The following MCF2L2 variants were observed in gnomAD, a reference collection of about 807,000 sequenced individuals.
The protein encoded by MCF2L2 is probable guanine nucleotide exchange factor MCF2L2.
Under a neutral mutation model 150.2 loss-of-function variants are expected in MCF2L2, and 102 were observed. That is an observed-to-expected ratio of 0.68 (90% CI 0.58 to 0.80). The LOEUF (loss-of-function observed/expected upper bound fraction) is 0.80, where lower values mean the gene tolerates loss of function less well. Ranked by LOEUF, MCF2L2 falls within the 30% of genes least tolerant of loss-of-function variation. The pLI, the probability that MCF2L2 is intolerant of heterozygous loss-of-function variation, is 0.00. For synonymous variants in MCF2L2, 465 were observed against 491.3 expected, an observed-to-expected ratio of 0.95 and a Z score of 0.71; for missense variants, 1,256 against 1,372.8, an observed-to-expected ratio of 0.91 and a Z score of 1.34.
At chr3:183,189,365 C>T (rs1721800958) in intron 27 of MCF2L2, among the ~76,000 whole-genome samples, 1 of 152,184 alleles carries the variant, frequency 6.6e-6, no homozygotes, top group South Asian at 2.1e-4. Flanking sequence ...CCAGTCAGGT[C>T]ATGTTGTCAT....
chr3:183,230,720 T>A (rs141568178), intron 16 of MCF2L2, among the ~76,000 whole-genome samples: 99 of 152,330 alleles, frequency 6.5e-4, no homozygotes, highest in African/African-American at 2.3e-3. Flanking sequence ...CTATTTGGGC[T>A]TTGCTGGAAT....
intron 14 of MCF2L2, among the ~76,000 whole-genome samples, chr3:183,280,917 G>A (rs1423916053): frequency 1.3e-5 from 2 of 150,498 alleles, no homozygotes; most frequent in Non-Finnish European, 3.0e-5. Context: ...TAAGGTGAAA[G>A]TATTATTCAC....
At position 183,294,548 on chromosome 3, in the gene MCF2L2, T is replaced by G. The variant is rs1020526173; in HGVS notation, c.1675+752A>C. Among the ~76,000 whole-genome samples, 7 of 142,626 alleles carry G rather than the reference T, an allele frequency of 4.9e-5. No individual in the cohort carries two copies. The East Asian group carries it at 1.7e-3, about 34-fold the overall frequency. The allele number at this position is 142,626 out of a possible 152,430, so 93.6% of individuals were successfully genotyped here. On this transcript the variant is annotated intron_variant, in intron 13 of 29. Transcript: ENST00000328913. ...ATTTATATATATATATGTATATATA[T>G]GTATGTGTGTGTGTGTGTGTGTATA...
At chr3:183,361,487 G>T (rs1712201420) in intron 3 of MCF2L2, among the ~76,000 whole-genome samples, 1 of 152,264 alleles carries the variant, frequency 6.6e-6, no homozygotes, top group East Asian at 1.9e-4. Flanking sequence ...AGATCTGATG[G>T]TTTAAAAGTG....
chr3:183,352,675 G>A (rs1308741945), intron 3 of MCF2L2, among the ~76,000 whole-genome samples: 2 of 152,120 alleles, frequency 1.3e-5, no homozygotes, highest in Admixed American at 1.3e-4. Context: ...AGTAGCTCTT[G>A]AGTAAAAAAA....
intron 15 of MCF2L2, among the ~76,000 whole-genome samples, chr3:183,259,471 C>G (rs2108412068): frequency 6.6e-6 from 1 of 152,246 alleles, no homozygotes; most frequent in Admixed American, 6.5e-5. Flanking sequence ...ATCTCTTCAT[C>G]AGGTTTACTT....
In MCF2L2 at chr3:183,180,438, T is replaced by G. The variant is rs1402016470; in HGVS notation, c.3017-279A>C. On this transcript the variant is annotated intron_variant, in intron 27 of 29. Transcript: ENST00000328913. The stretch of plus-strand genomic sequence containing the variant: ...CTCCAAGAAAACAGTCATTGTTTTT[T>G]GTGTTTGCCAGTCTTCTAACCACGC... 3 of 399,722 alleles carry G rather than the reference T, an allele frequency of 7.5e-6. No individual in the cohort carries two copies. In the East Asian group the frequency reaches 1.2e-4, roughly 16 times the overall value. 24.8% of individuals were successfully genotyped at this position (399,722 alleles called of 1,614,324 possible). A position where few individuals can be genotyped will look rare whatever the true frequency, so the allele number is the denominator to read the frequency against.
At chr3:183,336,303 T>C (rs1730478844) in intron 5 of MCF2L2, among the ~76,000 whole-genome samples, 1 of 152,124 alleles carries the variant, frequency 6.6e-6, no homozygotes, top group Admixed American at 6.6e-5. Context: ...AATGGGTGGG[T>C]GAATCTGGAC....
rs1461900480 is a variant in MCF2L2, at chr3:183,179,599, C to T, written c.3199G>A (p.Glu1067Lys). The T allele has an allele frequency of 1.2e-6, 2 of 1,614,190 alleles. No homozygotes were observed. The highest frequency in any genetic ancestry group is 1.7e-6 in the Non-Finnish European group (2 of 1,180,006). Reference sequence around the variant, plus strand: ...CACGTTTCCTCCTCATCGCGTTCTTCTTTTTCTCCCTGGCTGCTTTCTCCC... The same window carrying T: ...CACGTTTCCTCCTCATCGCGTTCTTTTTTTTCTCCCTGGCTGCTTTCTCCC... ...ERGESSQGEK[E>K]ERDEEETATR... The change falls in exon 29 of 30, where the codon GAA becomes AAA. Residue 1067 changes from glutamate to lysine, a missense_variant. Physicochemically the swap from Glu to Lys is moderately conservative, Grantham distance 56. Coordinates refer to ENST00000328913, the MANE Select transcript of MCF2L2 (RefSeq NM_015078.4). This position sits in a 1 kb window ranked among gnomAD's most constrained non-coding sequence, Gnocchi z 4.2.
At chr3:183,214,800 C>T (rs1722853734) in intron 22 of MCF2L2, among the ~76,000 whole-genome samples, 1 of 147,816 alleles carries the variant, frequency 6.8e-6, no homozygotes, top group Non-Finnish European at 1.5e-5. Context: ...GCCTGACCAA[C>T]ATGGAGAAGC....
chr3:183,400,865 T>C (rs1245969475), intron 1 of MCF2L2, among the ~76,000 whole-genome samples: 3 of 150,596 alleles, frequency 2.0e-5, no homozygotes, highest in Non-Finnish European at 3.0e-5. Context: ...AAAAAAAAAA[T>C]AAAAACTTAT....
intron 2 of MCF2L2, among the ~76,000 whole-genome samples, chr3:183,388,873 T>A (rs76469056): frequency 2.0e-5 from 3 of 152,200 alleles, no homozygotes; most frequent in Non-Finnish European, 2.9e-5. Context: ...ACTTTTTTTT[T>A]AATATCCCAT....
In MCF2L2 at chr3:183,294,633, A is replaced by ATATATT. The variant is rs1553776075; in HGVS notation, c.1675+666_1675+667insAATATA. Among the ~76,000 whole-genome samples, 3 of 129,862 alleles carry ATATATT rather than the reference A, an allele frequency of 2.3e-5. No individual in the cohort carries two copies. The South Asian group carries it at 7.0e-4, about 30-fold the overall frequency. 85.2% of individuals were successfully genotyped at this position (129,862 alleles called of 152,430 possible). The stretch of plus-strand genomic sequence containing the variant: ...TGTGTGTGTATATATATATATATAT[A>ATATATT]TTTTTTTTTTTTTGAGACGGAGTCT... On this transcript the variant is annotated intron_variant, in intron 13 of 29. Transcript: ENST00000328913.
At chr3:183,310,451 G>A in intron 9 of MCF2L2, 1 of 191,520 alleles carries the variant, frequency 5.2e-6, no homozygotes, top group Non-Finnish European at 1.1e-5. Context: ...GCAGTGAGCT[G>A]AGATCGCGCC....
At chr3:183,235,407 A>G (rs1576947092) in intron 15 of MCF2L2, among the ~76,000 whole-genome samples, 1 of 86,080 alleles carries the variant, frequency 1.2e-5, no homozygotes, top group Admixed American at 1.2e-4. Flanking sequence ...GTGTGAGATG[A>G]TATCTCATAA....
At chr3:183,255,696 A>C (rs1488246108) in intron 15 of MCF2L2, among the ~76,000 whole-genome samples, 1 of 152,178 alleles carries the variant, frequency 6.6e-6, no homozygotes, top group East Asian at 1.9e-4. Flanking sequence ...GGTGCAGAAG[A>C]GTTTTCAAAA....
In MCF2L2 at chr3:183,272,754, A is replaced by T. The variant is rs16857227; in HGVS notation, c.1862+4118T>A. ...ATAATTAATTTTTATTAGTTGATTG[A>T]TTAATGATGTATTGCCTTTTGCCCA... On this transcript the variant is annotated intron_variant, in intron 15 of 29. Coordinates refer to ENST00000328913, the MANE Select transcript of MCF2L2 (RefSeq NM_015078.4). 5.9e-3 allele frequency: 6,291 copies of T among 1,072,212 alleles called. 286 individuals carry two copies. In the African/African-American group the frequency reaches 0.09, roughly 15 times the overall value. 66.4% of individuals were successfully genotyped at this position (1,072,212 alleles called of 1,614,324 possible).
chr3:183,277,664 T>C (rs984791047), intron 14 of MCF2L2, among the ~76,000 whole-genome samples: 1 of 151,020 alleles, frequency 6.6e-6, no homozygotes, highest in East Asian at 2.0e-4. Flanking sequence ...CAAATATATA[T>C]ATATATATTT....
chr3:183,195,623 A>T (rs1297468242), intron 25 of MCF2L2, among the ~76,000 whole-genome samples: 1 of 152,202 alleles, frequency 6.6e-6, no homozygotes, highest in Non-Finnish European at 1.5e-5. Flanking sequence ...GAGGGAAAAA[A>T]TCATGAGTCC....
Sources: allele counts gnomAD v4.1 joint callset (sites outside exome capture counted in the v4.1 genomes callset), GRCh38; gene constraint gnomAD v4.1.1; non-coding constraint Gnocchi (gnomAD v3.1); transcripts MANE v1.5; gene names NCBI Gene and HGNC (gene_info 2026-07-23, HGNC 2026-07-21).